Variants in SHC4 observed in about 807,000 individuals in gnomAD.
SHC4 encodes the protein SHC-transforming protein 4.
SHC4 carries 41 observed loss-of-function variants against 69.4 expected under a neutral mutation model. The ratio of observed to expected loss-of-function variants is 0.59; its 90% confidence interval spans 0.46 to 0.77. The LOEUF (loss-of-function observed/expected upper bound fraction) is 0.77, where lower values mean the gene tolerates loss of function less well. SHC4 is among the 30% of genes least tolerant of loss of function. The probability of loss-of-function intolerance (pLI) is 0.00; values close to 1 mark genes in which losing one functional copy is unlikely to be tolerated. For missense variants in SHC4, 777 were observed against 783.8 expected, an observed-to-expected ratio of 0.99 and a Z score of 0.10; for synonymous variants, 318 against 299.3, an observed-to-expected ratio of 1.06 and a Z score of -0.64.
In SHC4 at chr15:48,963,743, C is replaced by T. The variant is rs767609078; in HGVS notation, c.-728G>A. Reference sequence around the variant, plus strand: ...GTTCCTCAGATCCCCTCCCAGCCTGCCTACCCTCGCTCAGAGCTTCCCTCC... The same window carrying T: ...GTTCCTCAGATCCCCTCCCAGCCTGTCTACCCTCGCTCAGAGCTTCCCTCC... On this transcript the variant is annotated 5_prime_UTR_variant, in exon 1 of 12. Transcript: ENST00000332408. Among the ~76,000 whole-genome samples, 18 of 152,136 alleles carry T rather than the reference C, an allele frequency of 1.2e-4. No homozygotes were observed. The highest frequency in any genetic ancestry group is 1.9e-4 in the Non-Finnish European group (13 of 68,028).
intron 4 of SHC4, chr15:48,877,954 T>C (rs1899846309): frequency 4.0e-6 from 2 of 500,818 alleles, no homozygotes; most frequent in African/African-American, 3.8e-5. Context: ...GATACGAAGT[T>C]CGAATCGATG....
intron 4 of SHC4, chr15:48,878,332 C>T: frequency 6.2e-7 from 1 of 1,613,544 alleles, no homozygotes; most frequent in African/African-American, 1.3e-5. Flanking sequence ...CCCAACAGCT[C>T]GAGGAGGAAG....
chr15:48,904,940 A>AG (rs1900381837), intron 2 of SHC4, among the ~76,000 whole-genome samples: 1 of 144,694 alleles, frequency 6.9e-6, no homozygotes, highest in Non-Finnish European at 1.5e-5. Flanking sequence ...ACACAGACAC[A>AG]ACACACACAC....
chr15:48,881,687 G>C (rs1899949656), intron 4 of SHC4, among the ~76,000 whole-genome samples: 1 of 152,164 alleles, frequency 6.6e-6, no homozygotes. Context: ...GGGAGTGTGA[G>C]CAACTGAGAC....
At position 48,869,912 on chromosome 15, in the gene SHC4, C is replaced by T. The variant is rs891865311; in HGVS notation, c.895-2043G>A. ...GGTACAAACTTTCCCATAGTGGCCA[C>T]AAATTATTTAATGTTTGTTTTTTAT... On this transcript the variant is annotated intron_variant, in intron 5 of 11. Transcript: ENST00000332408. 8.5e-5 allele frequency among the ~76,000 whole-genome samples: 13 copies of T among 152,124 alleles called. 1 individual carries two copies. The highest frequency in any genetic ancestry group is 6.5e-4 in the Admixed American group (10 of 15,278).
At chr15:48,955,498 C>A (rs769161962) in intron 1 of SHC4, among the ~76,000 whole-genome samples, 2 of 152,062 alleles carry the variant, frequency 1.3e-5, no homozygotes, top group Non-Finnish European at 2.9e-5. Flanking sequence ...GGAAATGACC[C>A]TAAGGTCATT....
At chr15:48,845,628 T>C (rs949319083) in intron 9 of SHC4, among the ~76,000 whole-genome samples, 4 of 152,228 alleles carry the variant, frequency 2.6e-5, no homozygotes, top group African/African-American at 9.6e-5. Context: ...CATTAGGAGC[T>C]TATAAACGAG....
At position 48,962,540 on chromosome 15, in the gene SHC4, G is replaced by T; in HGVS notation, c.476C>A (p.Thr159Asn). 6.2e-7 allele frequency: 1 copy of T among 1,605,736 alleles called. No individual in the cohort carries two copies. The highest frequency in any genetic ancestry group is 8.5e-7 in the Non-Finnish European group (1 of 1,175,382). ...GCCAGGAAGCGGGCACGAATCAGGG[G>T]TTAGGGCGGTTGCCCTGTGTCCCAC... ...DLVGHRATAL[T>N]PDSCPLPGPG... is the part of the protein sequence containing the mutation. The change falls in exon 1 of 12, where the codon ACC (threonine) becomes AAC (asparagine). Residue 159 changes from threonine (T) to asparagine (N), a missense_variant. Transcript: ENST00000332408.
intron 9 of SHC4, among the ~76,000 whole-genome samples, chr15:48,844,845 C>T (rs1899057338): frequency 1.3e-5 from 2 of 152,044 alleles, no homozygotes; most frequent in Non-Finnish European, 2.9e-5. Context: ...CTTTGCTTCT[C>T]CTTTGCCTTC....
At chr15:48,910,097 T>G (rs1417736765) in intron 2 of SHC4, among the ~76,000 whole-genome samples, 2 of 149,212 alleles carry the variant, frequency 1.3e-5, no homozygotes, top group Non-Finnish European at 3.0e-5. Context: ...TATGCTTCTT[T>G]CTCTATATTG....
intron 2 of SHC4, among the ~76,000 whole-genome samples, chr15:48,904,916 G>GCA (rs766950039): frequency 7.2e-4 from 96 of 133,200 alleles, no homozygotes; most frequent in Middle Eastern, 3.8e-3. Context: ...CGACACACAC[G>GCA]CACACACACA....
intron 5 of SHC4, 168 bp downstream of exon 5, chr15:48,871,918 TTTA>T: frequency 2.0e-6 from 1 of 511,958 alleles, no homozygotes; most frequent in South Asian, 2.5e-5. Flanking sequence ...AAGAAAATAT[TTTA>T]TTATCTGCTA....
At chr15:48,850,011 T>C (rs755325638) in intron 9 of SHC4, among the ~76,000 whole-genome samples, 2 of 152,142 alleles carry the variant, frequency 1.3e-5, no homozygotes, top group Non-Finnish European at 2.9e-5. Flanking sequence ...GAAGTCAGCC[T>C]GACCAACATG....
chr15:48,895,762 A>G (rs1193533534), intron 2 of SHC4, among the ~76,000 whole-genome samples: 1 of 152,190 alleles, frequency 6.6e-6, no homozygotes, highest in Non-Finnish European at 1.5e-5. Flanking sequence ...AAAAAGGGGA[A>G]AACTTGTGCT....
At chr15:48,877,987 G>A (rs1899847816) in intron 4 of SHC4, 2 of 599,206 alleles carry the variant, frequency 3.3e-6, no homozygotes, top group African/African-American at 1.8e-5. Flanking sequence ...AAAAGGCGAC[G>A]CCAACACCCC....
intron 2 of SHC4, among the ~76,000 whole-genome samples, chr15:48,898,670 T>C (rs1900265416): frequency 6.6e-6 from 1 of 152,196 alleles, no homozygotes; most frequent in Non-Finnish European, 1.5e-5. Flanking sequence ...AAGGACCCTC[T>C]TGTCTGGAGT....
At chr15:48,843,119 G>A (rs1326909182) in intron 10 of SHC4, among the ~76,000 whole-genome samples, 2 of 152,144 alleles carry the variant, frequency 1.3e-5, no homozygotes, top group African/African-American at 2.4e-5. Flanking sequence ...AGAGGAAGGA[G>A]AGGGAGATCA....
chr15:48,846,673 A>G (rs1215644825), intron 9 of SHC4, among the ~76,000 whole-genome samples: 1 of 152,178 alleles, frequency 6.6e-6, no homozygotes, highest in Non-Finnish European at 1.5e-5. Flanking sequence ...ACTAGAACGC[A>G]TCCAATTTGT....
At chr15:48,856,955 C>G (rs549157579) in intron 7 of SHC4, among the ~76,000 whole-genome samples, 2 of 152,084 alleles carry the variant, frequency 1.3e-5, no homozygotes, top group South Asian at 2.1e-4. Flanking sequence ...CCTTTGCTAC[C>G]CTAGACTACC....
Sources: gnomAD v4.1 joint callset for allele counts (sites outside exome capture counted in the v4.1 genomes callset) on GRCh38, gnomAD v4.1.1 for gene constraint, MANE v1.5 for transcripts, NCBI Gene and HGNC (gene_info 2026-07-23, HGNC 2026-07-21) for gene names.